SOX5: variants seen among roughly 807,000 people sequenced by gnomAD.
SOX5 encodes transcription factor SOX-5.
SOX5 carries 9 observed loss-of-function variants against 92.0 expected under a neutral mutation model. The ratio of observed to expected loss-of-function variants is 0.10; its 90% CI spans 0.06 to 0.17. The LOEUF (loss-of-function observed/expected upper bound fraction) is 0.17. SOX5 is among the 10% of genes least tolerant of loss of function. SOX5 has a pLI of 1.00. For missense variants in SOX5, 642 were observed against 944.5 expected (o/e 0.68, Z 4.20); for synonymous variants, 344 against 336.3 (o/e 1.02, Z -0.25).
intron 3 of SOX5, among the ~76,000 whole-genome samples, chr12:24,274,049 T>C (rs1427283075): frequency 1.3e-5 from 2 of 152,204 alleles, no homozygotes; most frequent in Non-Finnish European, 2.9e-5. Flanking sequence ...ACTTAGAATA[T>C]GGTCAATGTT....
intron 3 of SOX5, among the ~76,000 whole-genome samples, chr12:24,240,730 C>T (rs1965403167): frequency 6.6e-6 from 1 of 152,124 alleles, no homozygotes; most frequent in Non-Finnish European, 1.5e-5. Flanking sequence ...TTGGTGGCAA[C>T]TAGAGGAAAT....
intron 8 of SOX5, among the ~76,000 whole-genome samples, chr12:23,629,023 A>T (rs10505898): frequency 0.087 from 13,180 of 152,010 alleles, 657 homozygotes; most frequent in Non-Finnish European, 0.11. Flanking sequence ...TAAAATGTCA[A>T]CAAGACTTGT....
At chr12:24,012,477 T>C (rs1953056850) in intron 4 of SOX5, among the ~76,000 whole-genome samples, 1 of 152,162 alleles carries the variant, frequency 6.6e-6, no homozygotes, top group African/African-American at 2.4e-5. Flanking sequence ...GAATTTTTTT[T>C]CAAACCCATA....
At chr12:24,362,497 G>A (rs532080571) in intron 2 of SOX5, among the ~76,000 whole-genome samples, 5 of 152,282 alleles carry the variant, frequency 3.3e-5, no homozygotes, top group African/African-American at 1.2e-4. Context: ...TAATACTTAA[G>A]AGGGCGTGGG....
intron 1 of SOX5, among the ~76,000 whole-genome samples, chr12:24,462,753 T>C (rs1281202111): frequency 6.6e-6 from 1 of 152,204 alleles, no homozygotes; most frequent in African/African-American, 2.4e-5. Context: ...GAGTCAAATG[T>C]TAGAAGAGAA....
chr12:23,844,443 C>T (rs2096553053), intron 3 of SOX5, among the ~76,000 whole-genome samples: 1 of 152,058 alleles, frequency 6.6e-6, no homozygotes, highest in Non-Finnish European at 1.5e-5. Flanking sequence ...GTTAAGAATC[C>T]TATTAACCTC....
intron 6 of SOX5, among the ~76,000 whole-genome samples, chr12:23,699,370 G>A (rs1399311338): frequency 6.6e-6 from 1 of 152,230 alleles, no homozygotes; most frequent in South Asian, 2.1e-4. Flanking sequence ...TATGAGGCAT[G>A]GTTAATCTGG....
chr12:24,545,225 C>T (rs1256941296), intron 1 of SOX5, among the ~76,000 whole-genome samples: 1 of 152,130 alleles, frequency 6.6e-6, no homozygotes, highest in East Asian at 1.9e-4. Context: ...AAAATGTTGC[C>T]TTGGTTTCAT....
intron 6 of SOX5, among the ~76,000 whole-genome samples, chr12:23,683,605 C>A (rs534204571): frequency 1.3e-5 from 2 of 151,992 alleles, no homozygotes; most frequent in South Asian, 4.1e-4. Flanking sequence ...TCACAGGAAA[C>A]CTTTAGTATG....
chr12:24,305,324 C>T (rs1289289552), intron 2 of SOX5, among the ~76,000 whole-genome samples: 1 of 152,156 alleles, frequency 6.6e-6, no homozygotes, highest in Admixed American at 6.5e-5. Context: ...AGATGTCAAT[C>T]CTTAGAACTG....
chr12:24,117,117 A>G (rs752320648), intron 4 of SOX5, among the ~76,000 whole-genome samples: 1 of 152,228 alleles, frequency 6.6e-6, no homozygotes, highest in African/African-American at 2.4e-5. Flanking sequence ...CTCAACAACA[A>G]GAAAACAAAT....
chr12:24,539,645 T>A (rs966245663), intron 1 of SOX5, among the ~76,000 whole-genome samples: 11 of 152,164 alleles, frequency 7.2e-5, no homozygotes, highest in African/African-American at 2.7e-4. Flanking sequence ...TTGCTCTCCT[T>A]ATACTCAGAA....
At chr12:24,329,273 TCA>T (rs550112565) in intron 2 of SOX5, among the ~76,000 whole-genome samples, 53 of 152,314 alleles carry the variant, frequency 3.5e-4, no homozygotes, top group African/African-American at 1.1e-3. Flanking sequence ...TTTAATCGAC[TCA>T]CAGTTCTACA....
chr12:24,369,598 A>G (rs1956519446), intron 1 of SOX5, among the ~76,000 whole-genome samples: 1 of 152,202 alleles, frequency 6.6e-6, no homozygotes, highest in African/African-American at 2.4e-5. Context: ...TCTACCTTAC[A>G]TATTTCTTCT....
At chr12:24,136,352 G>A (rs536079135) in intron 4 of SOX5, among the ~76,000 whole-genome samples, 12 of 152,328 alleles carry the variant, frequency 7.9e-5, no homozygotes, top group African/African-American at 2.4e-4. Context: ...TTCTGTTTCT[G>A]TTCTACTTTT....
At chr12:24,165,458 G>A (rs1215398541) in intron 4 of SOX5, among the ~76,000 whole-genome samples, 1 of 152,110 alleles carries the variant, frequency 6.6e-6, no homozygotes, top group Non-Finnish European at 1.5e-5. Flanking sequence ...AGATTTACCA[G>A]TCCAATGGAT....
chr12:23,890,768 G>T (rs571987857), intron 2 of SOX5, among the ~76,000 whole-genome samples: 1 of 151,322 alleles, frequency 6.6e-6, no homozygotes, highest in Admixed American at 6.6e-5. Context: ...AGTGATTCTT[G>T]CTTGTCTCTG....
intron 4 of SOX5, among the ~76,000 whole-genome samples, chr12:24,164,706 C>G (rs915451944): frequency 6.6e-6 from 1 of 152,020 alleles, no homozygotes. Context: ...TTAAGGGTTA[C>G]TTTTCACTTG....
chr12:24,057,049 A>G (rs1477211519), intron 4 of SOX5, among the ~76,000 whole-genome samples: 1 of 151,232 alleles, frequency 6.6e-6, no homozygotes, highest in Non-Finnish European at 1.5e-5. Flanking sequence ...CATGTTACAA[A>G]TCTTCTATAG....
Sources: allele counts gnomAD v4.1 joint callset (sites outside exome capture counted in the v4.1 genomes callset), GRCh38; gene constraint gnomAD v4.1.1; transcripts MANE v1.5; gene names NCBI Gene and HGNC (gene_info 2026-07-23, HGNC 2026-07-21).